The following BCLAF1 variants were observed in gnomAD, a reference collection of about 807,000 sequenced individuals.
BCLAF1 encodes BCL2 associated transcription factor 1, also known as bcl-2-associated transcription factor 1.
A neutral mutation model predicts 99.5 loss-of-function variants in BCLAF1; 10 were observed. The ratio of observed to expected loss-of-function variants is 0.10; its 90% CI spans 0.06 to 0.17. The LOEUF (loss-of-function observed/expected upper bound fraction) is 0.17. BCLAF1 is among the 10% of genes least tolerant of loss of function. The pLI, the probability that BCLAF1 is intolerant of heterozygous loss-of-function variation, is 1.00. For missense variants in BCLAF1, 636 were observed against 1,105.8 expected (o/e 0.58, Z 6.02); for synonymous variants, 255 against 370.9 (o/e 0.69, Z 3.59).
At chr6:136,261,709 CCAGA>C (rs1174087778) in intron 11 of BCLAF1, among the ~76,000 whole-genome samples, 6 of 152,012 alleles carry the variant, frequency 3.9e-5, no homozygotes, top group Non-Finnish European at 7.4e-5. Flanking sequence ...TGAAGGTTAC[CCAGA>C]CAATCATTTG....
chr6:136,260,910 T>C lies in BCLAF1; in HGVS notation c.*200A>G. The C allele has an allele frequency of 1.8e-6, 1 of 547,494 alleles. No individual in the cohort carries two copies. The highest frequency in any genetic ancestry group is 3.1e-6 in the Non-Finnish European group (1 of 319,012). The allele number at this position is 547,494 out of a possible 1,614,324, so 33.9% of individuals were successfully genotyped here. On this transcript the variant is annotated 3_prime_UTR_variant, in exon 13 of 13. Transcript: ENST00000531224. The stretch of plus-strand genomic sequence containing the variant: ...TTACAAATATGGTACGTAACAATTT[T>C]CTACTTTATTTCAGTACAATTTTCA...
intron 6 of BCLAF1, chr6:136,273,872 G>C: frequency 1.5e-6 from 1 of 675,108 alleles, no homozygotes; most frequent in Non-Finnish European, 1.9e-6. Flanking sequence ...ATGTAAAATA[G>C]AAAGACGTAT....
chr6:136,284,991 A>G lies in BCLAF1; in HGVS notation c.-114-2304T>C, dbSNP rs77022960. Among the ~76,000 whole-genome samples the G allele has an allele frequency of 5.2e-3, 788 of 152,308 alleles. 6 individuals are homozygous for G. Among genetic ancestry groups the G allele is most frequent in the South Asian group, 0.036 (174 of 4,828 alleles). On this transcript the variant is annotated intron_variant, in intron 1 of 12. Coordinates refer to ENST00000531224, the MANE Select transcript of BCLAF1 (RefSeq NM_014739.3). ...GGGAAGACCATACTAGGCAGAGGAC[A>G]CAAACTTAGCAAATTCAGGACAGAA...
chr6:136,279,426 A>G (rs1784063523), intron 3 of BCLAF1: 1 of 161,146 alleles, frequency 6.2e-6, no homozygotes, highest in South Asian at 2.0e-4. Flanking sequence ...AAACTATAAA[A>G]CAATATGCAG....
chr6:136,278,498 C>T lies in BCLAF1; in HGVS notation c.383G>A (p.Arg128Lys). The T allele has an allele frequency of 6.2e-7, 1 of 1,605,084 alleles. No individual in the cohort carries two copies. The change falls in exon 4 of 13, where the codon AGA becomes AAA. Residue 128 changes from arginine to lysine, a missense_variant. Arg to Lys is a conservative substitution (Grantham distance 26). Transcript: ENST00000531224. ...AGAAGATCTATATGACCGGCGAGAT[C>T]TGCTTCTGGATCTTTGAGAAGAAAC... is the stretch of plus-strand genomic sequence containing the variant. Reference protein sequence around the residue: ...RSVSSQRSRSRSRRSYRSSRS... With the variant: ...RSVSSQRSRSKSRRSYRSSRS...
chr6:136,267,681 G>A (rs949516308), intron 10 of BCLAF1, among the ~76,000 whole-genome samples: 1 of 151,694 alleles, frequency 6.6e-6, no homozygotes, highest in East Asian at 1.9e-4. Flanking sequence ...TAATTATAAC[G>A]ACTTACAGAA....
intron 2 of BCLAF1, among the ~76,000 whole-genome samples, chr6:136,280,419 T>C (rs1363630247): frequency 2.0e-5 from 3 of 152,034 alleles, no homozygotes; most frequent in Non-Finnish European, 4.4e-5. Context: ...CCTAGAACAA[T>C]ACAGGACACT....
chr6:136,276,579 G>A (rs542107161), intron 4 of BCLAF1, 71 bp from the exon 5 acceptor site: 2 of 1,481,734 alleles, frequency 1.3e-6, no homozygotes, highest in East Asian at 2.3e-5. Flanking sequence ...ATATTTAAAT[G>A]TGTTGCCCAA....
At chr6:136,261,760 A>C (rs2128465071) in intron 11 of BCLAF1, among the ~76,000 whole-genome samples, 1 of 152,274 alleles carries the variant, frequency 6.6e-6, no homozygotes, top group South Asian at 2.1e-4. Context: ...TGATTTTTAG[A>C]ATCCTGAGTT....
chr6:136,268,275 T>C lies in BCLAF1; in HGVS notation c.2284A>G (p.Ser762Gly). Residue 762 changes from serine (S) to glycine (G), a missense_variant, in exon 10 of 13, where the codon AGT becomes GGT. By Grantham distance (56) the Ser-to-Gly change is moderately conservative. Around this residue, in one of 9 missense-constraint regions of BCLAF1, gnomAD observed 180 missense variants for 270.0 expected, o/e 0.67. Coordinates refer to ENST00000531224, the MANE Select transcript of BCLAF1 (RefSeq NM_014739.3). ...SSSSASPSSPSSREEKESKKE... is the reference protein window; with the variant it reads ...SSSSASPSSPGSREEKESKKE... Reference sequence around the variant, plus strand: ...TTACTCTCCTTTTCTTCTCGAGAACTGGGAGAAGAAGGTGATGCTGAAGAG... The same window carrying C: ...TTACTCTCCTTTTCTTCTCGAGAACCGGGAGAAGAAGGTGATGCTGAAGAG... 6.2e-7 allele frequency: 1 copy of C among 1,605,520 alleles called. No individual in the cohort carries two copies. The highest frequency in any genetic ancestry group is 1.1e-5 in the South Asian group (1 of 89,766).
Position 136,261,095 on chromosome 6 carries a change from C to A in BCLAF1, c.*15G>T. On this transcript the variant is annotated 3_prime_UTR_variant, in exon 13 of 13. Coordinates refer to ENST00000531224, the MANE Select transcript of BCLAF1 (RefSeq NM_014739.3). ...GGTGCAAGTTCTGCTCTGTTGTAAT[C>A]TTACTTCATATTTATTATTCCTAAA... 1 of 1,574,534 alleles carries A rather than the reference C, an allele frequency of 6.4e-7. No individual in the cohort carries two copies. Among genetic ancestry groups the A allele is most frequent in the Non-Finnish European group, 8.6e-7 (1 of 1,161,528 alleles).
chr6:136,264,407 A>G (rs1781446291), intron 11 of BCLAF1, among the ~76,000 whole-genome samples: 1 of 152,004 alleles, frequency 6.6e-6, no homozygotes, highest in African/African-American at 2.4e-5. Flanking sequence ...GGGTTTCAAC[A>G]TGTTGGCCAG....
chr6:136,273,041 C>A, intron 7 of BCLAF1, 41 bp downstream of exon 7: 1 of 1,486,234 alleles, frequency 6.7e-7, no homozygotes, highest in South Asian at 1.2e-5. Flanking sequence ...GTCTTCCTAT[C>A]AAAACAACGT....
chr6:136,266,756 T>G (rs572326180), intron 11 of BCLAF1, among the ~76,000 whole-genome samples: 18 of 152,110 alleles, frequency 1.2e-4, no homozygotes, highest in Non-Finnish European at 2.1e-4. Flanking sequence ...AGCTCAACTA[T>G]AATATAATGT....
chr6:136,271,394 A>C (rs900924819), intron 8 of BCLAF1, among the ~76,000 whole-genome samples: 3 of 151,698 alleles, frequency 2.0e-5, no homozygotes, highest in Admixed American at 2.0e-4. Flanking sequence ...TATATTGGAG[A>C]CCCCTTAACC....
chr6:136,264,273 C>G (rs1781423539), intron 11 of BCLAF1, among the ~76,000 whole-genome samples: 1 of 152,188 alleles, frequency 6.6e-6, no homozygotes, highest in African/African-American at 2.4e-5. Context: ...ATGGCGCAAC[C>G]TTGGCTCACT....
intron 1 of BCLAF1, among the ~76,000 whole-genome samples, chr6:136,284,130 G>GTATATATATATGTATA (rs1554220649): frequency 8.2e-6 from 1 of 122,120 alleles, no homozygotes; most frequent in Non-Finnish European, 1.6e-5. Flanking sequence ...GTGTGTGTGT[G>GTATATATATATGTATA]TATATATATA....
At chr6:136,288,565 C>T (rs1473386796) in intron 1 of BCLAF1, among the ~76,000 whole-genome samples, 8 of 152,180 alleles carry the variant, frequency 5.3e-5, no homozygotes, top group Non-Finnish European at 1.2e-4. Context: ...TTAAAAGAGG[C>T]TGTTGCAGTG....
chr6:136,267,093 T>C lies in BCLAF1; in HGVS notation c.2480A>G (p.Gln827Arg), dbSNP rs766974371. 1 of 1,613,298 alleles carries C rather than the reference T, an allele frequency of 6.2e-7. No homozygotes were observed. The highest frequency in any genetic ancestry group is 8.5e-7 in the Non-Finnish European group (1 of 1,179,456). ...CCATTCCTCTTCCTTCGGTCTCTTT[T>C]GAAAAGTAGTATTTGAGTTGTTTGG... is the stretch of plus-strand genomic sequence containing the variant. ...TGPNNSNTTFQKRPKEEEWDP... is the reference protein window; with the variant it reads ...TGPNNSNTTFRKRPKEEEWDP... The change falls in exon 11 of 13, where the codon CAA becomes CGA. Residue 827 changes from glutamine to arginine, a missense_variant. Coordinates refer to ENST00000531224, the MANE Select transcript of BCLAF1 (RefSeq NM_014739.3).
Sources: allele counts gnomAD v4.1 joint callset (sites outside exome capture counted in the v4.1 genomes callset), GRCh38; gene constraint gnomAD v4.1.1; regional missense constraint gnomAD v4.1.1; transcripts MANE v1.5; gene names NCBI Gene and HGNC (gene_info 2026-07-23, HGNC 2026-07-21).